Variants in PTPRK observed in about 807,000 individuals in gnomAD.
PTPRK encodes the protein protein tyrosine phosphatase receptor type K, also known as receptor-type tyrosine-protein phosphatase kappa.
A neutral mutation model predicts 178.0 loss-of-function variants in PTPRK; 75 were observed. That is an observed-to-expected ratio of 0.42 (90% CI 0.35 to 0.51). The LOEUF (loss-of-function observed/expected upper bound fraction) is 0.51. Ranked by LOEUF, PTPRK falls within the 20% of genes least tolerant of loss-of-function variation. The pLI is 0.02. For synonymous variants in PTPRK, 637 were observed against 620.6 expected (o/e 1.03, Z -0.39); for missense variants, 1,441 against 1,797.8 (o/e 0.80, Z 3.59).
Position 128,089,842 on chromosome 6 carries a change from C to T in PTPRK, c.1313G>A (p.Ser438Asn), listed in dbSNP as rs1407205940. ...GTCCATGTCCAAACAGTCTGCCTTG[C>T]TCTCGTTGTGACCACGGAAGTAATG... Reference protein sequence around the residue: ...CYHYFRGHNESKADCLDMDPK... With the variant: ...CYHYFRGHNENKADCLDMDPK... The change falls in exon 8 of 30, where the codon AGC becomes AAC. Residue 438 changes from serine (S) to asparagine (N), a missense_variant. Ser to Asn is a conservative substitution (Grantham distance 46). Coordinates refer to ENST00000368226, the MANE Select transcript of PTPRK (RefSeq NM_002844.4). 39 of 1,614,008 alleles carry T rather than the reference C, an allele frequency of 2.4e-5. No homozygotes were observed. The highest frequency in any genetic ancestry group is 3.1e-5 in the Non-Finnish European group (37 of 1,179,992).
At chr6:128,213,035 C>G (rs1042418174) in intron 6 of PTPRK, among the ~76,000 whole-genome samples, 24 of 151,806 alleles carry the variant, frequency 1.6e-4, no homozygotes, top group Non-Finnish European at 3.2e-4. Context: ...GATTTAAAAG[C>G]CATAATTTTT....
intron 1 of PTPRK, among the ~76,000 whole-genome samples, chr6:128,418,980 T>G (rs1332724650): frequency 6.6e-6 from 1 of 152,248 alleles, no homozygotes; most frequent in Admixed American, 6.5e-5. Flanking sequence ...CTCAGTCACC[T>G]AAGAGCTATG....
At chr6:128,296,080 A>C (rs1305759604) in intron 3 of PTPRK, among the ~76,000 whole-genome samples, 1 of 151,984 alleles carries the variant, frequency 6.6e-6, no homozygotes, top group Non-Finnish European at 1.5e-5. Context: ...GAAGCAAAAC[A>C]AGTTTCTAAA....
chr6:128,143,172 G>A (rs1796019201), intron 7 of PTPRK, among the ~76,000 whole-genome samples: 1 of 151,936 alleles, frequency 6.6e-6, no homozygotes, highest in South Asian at 2.1e-4. Context: ...AACAGCAAAA[G>A]ATTGACATTG....
chr6:128,321,853 G>A, intron 3 of PTPRK, 186 bp downstream of exon 3: 1 of 786,502 alleles, frequency 1.3e-6, no homozygotes, highest in East Asian at 2.7e-5. Flanking sequence ...GAAGAAAGAG[G>A]GGCAATCTCT....
chr6:128,214,275 C>T (rs958298508), intron 6 of PTPRK, among the ~76,000 whole-genome samples: 1 of 151,986 alleles, frequency 6.6e-6, no homozygotes, highest in African/African-American at 2.4e-5. Flanking sequence ...TCACCATTGA[C>T]CAAATAAGCT....
chr6:128,258,905 G>A (rs1049198381), intron 3 of PTPRK, among the ~76,000 whole-genome samples: 2 of 152,186 alleles, frequency 1.3e-5, no homozygotes, highest in South Asian at 2.1e-4. Flanking sequence ...ACAATTTAAC[G>A]TGGAGCTAGC....
chr6:128,089,665 T>C (rs1231368747), intron 8 of PTPRK, 25 bp downstream of exon 8: 1 of 1,573,118 alleles, frequency 6.4e-7, no homozygotes, highest in Non-Finnish European at 8.7e-7. Flanking sequence ...ATTCCCCCCT[T>C]TTAAACAGCA....
At chr6:128,350,744 A>G (rs1833008349) in intron 2 of PTPRK, among the ~76,000 whole-genome samples, 1 of 152,210 alleles carries the variant, frequency 6.6e-6, no homozygotes, top group South Asian at 2.1e-4. Flanking sequence ...TTTGAACACA[A>G]TTTAATATTT....
At chr6:128,356,410 T>TC (rs1430371514) in intron 2 of PTPRK, among the ~76,000 whole-genome samples, 1 of 152,200 alleles carries the variant, frequency 6.6e-6, no homozygotes, top group Non-Finnish European at 1.5e-5. Context: ...GAAACTAGTT[T>TC]AGCCAGTCAC....
At chr6:128,243,552 G>A (rs1180979597) in intron 3 of PTPRK, among the ~76,000 whole-genome samples, 3 of 150,066 alleles carry the variant, frequency 2.0e-5, no homozygotes, top group Non-Finnish European at 4.4e-5. Context: ...TGGGTGTGGT[G>A]ACACATGCCT....
chr6:127,990,650 T>C, intron 21 of PTPRK, 119 bp downstream of exon 21: 1 of 661,296 alleles, frequency 1.5e-6, no homozygotes, highest in Non-Finnish European at 2.7e-6. Flanking sequence ...TAAACATTTG[T>C]GGAATGAATA....
chr6:128,071,416 C>T (rs577283966), intron 11 of PTPRK, among the ~76,000 whole-genome samples: 1 of 152,096 alleles, frequency 6.6e-6, no homozygotes, highest in South Asian at 2.1e-4. Flanking sequence ...TGAAATTGTA[C>T]TACTTTTCTA....
At chr6:128,286,413 AT>A (rs1038203469) in intron 3 of PTPRK, among the ~76,000 whole-genome samples, 16 of 151,320 alleles carry the variant, frequency 1.1e-4, no homozygotes, top group Non-Finnish European at 1.8e-4. Context: ...CTTTTTTCAC[AT>A]TTTTTTCTGT....
At chr6:128,393,863 A>G (rs1162730933) in intron 2 of PTPRK, among the ~76,000 whole-genome samples, 1 of 152,150 alleles carries the variant, frequency 6.6e-6, no homozygotes, top group Non-Finnish European at 1.5e-5. Context: ...AGATACATAA[A>G]GAAAAGTACA....
intron 5 of PTPRK, among the ~76,000 whole-genome samples, chr6:128,227,787 A>C (rs1045572790): frequency 2.0e-5 from 3 of 152,344 alleles, no homozygotes; most frequent in Middle Eastern, 3.4e-3. Context: ...GATTCATGAG[A>C]TGAAACAATA....
chr6:128,116,913 G>A (rs1238380052), intron 7 of PTPRK, among the ~76,000 whole-genome samples: 3 of 152,144 alleles, frequency 2.0e-5, no homozygotes, highest in African/African-American at 4.8e-5. Context: ...TTGGGAGGCC[G>A]AGGCGTGTGG....
chr6:128,180,440 A>G (rs1345647158), intron 7 of PTPRK, among the ~76,000 whole-genome samples: 4 of 152,144 alleles, frequency 2.6e-5, no homozygotes, highest in Non-Finnish European at 5.9e-5. Context: ...AGTATAAAGT[A>G]ACAGCGAAAT....
intron 2 of PTPRK, among the ~76,000 whole-genome samples, chr6:128,342,061 T>G (rs1427874578): frequency 6.6e-6 from 1 of 152,112 alleles, no homozygotes; most frequent in Non-Finnish European, 1.5e-5. Flanking sequence ...GAGACCAGCC[T>G]GGACAACATG....
Sources: allele counts gnomAD v4.1 joint callset (sites outside exome capture counted in the v4.1 genomes callset), GRCh38; gene constraint gnomAD v4.1.1; transcripts MANE v1.5; gene names NCBI Gene and HGNC (gene_info 2026-07-23, HGNC 2026-07-21).